Variants in TICRR observed in about 807,000 individuals in gnomAD.
The protein encoded by TICRR is TOPBP1 interacting checkpoint and replication regulator.
In TICRR, 132 loss-of-function variants were observed where a neutral mutation model predicts 178.1. That is an observed-to-expected ratio of 0.74 (90% CI 0.64 to 0.86). The LOEUF is 0.86. Among genes scored for constraint, TICRR ranks in the 40% least tolerant of loss-of-function variants. TICRR has a pLI of 0.00. For synonymous variants in TICRR, 991 were observed against 900.7 expected, an observed-to-expected ratio of 1.10 and a Z score of -1.79; for missense variants, 2,587 against 2,334.3, an observed-to-expected ratio of 1.11 and a Z score of -2.23.
chr15:89,589,676 A>G (rs1962878809), intron 4 of TICRR, among the ~76,000 whole-genome samples: 1 of 152,214 alleles, frequency 6.6e-6, no homozygotes, highest in Non-Finnish European at 1.5e-5. Flanking sequence ...ATATAACAGC[A>G]AATGCAATTA....
rs767079638 is a variant in TICRR at position 89,575,668 on chromosome 15, C to T, written c.82C>T (p.Leu28=). ...ARHSRVRRAA[L]RLLTYLSCRF... is the part of the protein sequence containing the mutation. ...CCACAGCCGGGTCCGGCGGGCCGCC[C>T]TGCGCCTCCTCACCTATCTGAGTTG... The change falls in exon 1 of 22, where the codon CTG becomes TTG. Residue 28 remains leucine (L), a synonymous_variant. Transcript: ENST00000268138. 9.5e-6 allele frequency: 15 copies of T among 1,586,582 alleles called. No homozygotes were observed. The highest frequency in any genetic ancestry group is 1.3e-5 in the Non-Finnish European group (15 of 1,168,662).
Position 89,624,449 on chromosome 15 carries a change from A to C in TICRR, c.4139A>C (p.Lys1380Thr). Reference sequence around the variant, plus strand: ...ACCGTCCCTCCTCCACCCCCTTCTAAAGTTGGGAAACGGTGTAGAAAGACC... The same window carrying C: ...ACCGTCCCTCCTCCACCCCCTTCTACAGTTGGGAAACGGTGTAGAAAGACC... ...LDTVPPPPPS[K>T]VGKRCRKTSD... The change falls in exon 20 of 22, where the codon AAA becomes ACA. Residue 1380 changes from lysine (K) to threonine (T), a missense_variant. Transcript: ENST00000268138. 6.2e-7 allele frequency: 1 copy of C among 1,614,032 alleles called. No individual in the cohort carries two copies.
At chr15:89,612,008 T>G (rs1480412545) in intron 15 of TICRR, among the ~76,000 whole-genome samples, 1 of 152,226 alleles carries the variant, frequency 6.6e-6, no homozygotes, top group African/African-American at 2.4e-5. Flanking sequence ...TCTTTTCTGG[T>G]AAATAGGCCA....
At chr15:89,599,684 G>A (rs140004367) in intron 8 of TICRR, among the ~76,000 whole-genome samples, 2 of 152,248 alleles carry the variant, frequency 1.3e-5, no homozygotes, top group Admixed American at 6.5e-5. Flanking sequence ...TGGGGTGAGC[G>A]GGGATAATTA....
intron 21 of TICRR, among the ~76,000 whole-genome samples, chr15:89,626,688 G>A (rs1963534307): frequency 6.6e-6 from 1 of 152,128 alleles, no homozygotes; most frequent in African/African-American, 2.4e-5. Flanking sequence ...GACCTAGAAA[G>A]AATACAGGAT....
chr15:89,597,322 G>A (rs1450765419), intron 7 of TICRR, among the ~76,000 whole-genome samples: 5 of 151,964 alleles, frequency 3.3e-5, no homozygotes, highest in Admixed American at 2.6e-4. Context: ...TCAGTAGTTC[G>A]AGATCAGCCT....
In TICRR at chr15:89,600,655, A is replaced by G; in HGVS notation, c.2123A>G (p.Lys708Arg). The change falls in exon 9 of 22, where the codon AAA (lysine) becomes AGA (arginine). Residue 708 changes from lysine (K) to arginine (R), a missense_variant. Physicochemically the swap from Lys to Arg is conservative, Grantham distance 26. Transcript: ENST00000268138. ...AAAAGTCTTCGACAGAATCTAGGAA[A>G]AAAACTGGATAAGGAAGACAAAGTT... ...TSKSLRQNLG[K>R]KLDKEDKVRE... is the part of the protein sequence containing the mutation. 6.3e-7 allele frequency: 1 copy of G among 1,592,128 alleles called. No individual in the cohort carries two copies. Among genetic ancestry groups the G allele is most frequent in the Non-Finnish European group, 8.6e-7 (1 of 1,166,100 alleles).
At chr15:89,601,197 T>G (rs1963088845) in intron 9 of TICRR, 101 bp from the exon 10 acceptor site, 1 of 940,332 alleles carries the variant, frequency 1.1e-6, no homozygotes, top group Non-Finnish European at 1.6e-6. Context: ...CTCCTCCTTT[T>G]TGGTTGTTGT....
chr15:89,608,200 A>C (rs1336513831), intron 14 of TICRR, among the ~76,000 whole-genome samples: 3 of 152,178 alleles, frequency 2.0e-5, no homozygotes, highest in African/African-American at 7.2e-5. Flanking sequence ...TTAGATTTAA[A>C]TTGAATTCGT....
At chr15:89,626,380 T>C (rs995408170) in intron 21 of TICRR, among the ~76,000 whole-genome samples, 2 of 152,120 alleles carry the variant, frequency 1.3e-5, no homozygotes, top group Admixed American at 6.5e-5. Context: ...GCAGCACGAG[T>C]GATAGGCCTG....
Position 89,626,039 on chromosome 15 carries a change from C to T in TICRR, c.5580C>T (p.Ser1860=). 6.2e-7 allele frequency: 1 copy of T among 1,613,962 alleles called. No individual in the cohort carries two copies. Among genetic ancestry groups the T allele is most frequent in the Non-Finnish European group, 8.5e-7 (1 of 1,179,924 alleles). The change falls in exon 21 of 22, where the codon TCC becomes TCT. Residue 1860 remains serine (S), a synonymous_variant. Transcript: ENST00000268138. ...SPLLFQGKTP[S]SQSKDPRDED... The stretch of plus-strand genomic sequence containing the variant: ...TGCTGTTCCAGGGGAAAACACCTTC[C>T]TCTCAGAGCAAAGACCCCAGAGGTA...
rs1567040966 is a variant in TICRR at position 89,585,858 on chromosome 15, CG to C, written c.1330del (p.Asp444ThrfsTer14). On this transcript the variant is annotated frameshift_variant, in exon 4 of 22. Coordinates refer to ENST00000268138, the MANE Select transcript of TICRR (RefSeq NM_152259.4). LOFTEE classifies it high-confidence loss of function. ...CCAAACAGCTGTGGCTGACAGCCCC[CG>C]GGACACAGCTTCCCTTTTCTCAGAT... ...VLQTAVADSPRDTASLFSDVV... is the reference protein window; with the variant it reads ...VLQTAVADSPXDTASLFSDVV... The C allele has an allele frequency of 6.2e-7, 1 of 1,613,966 alleles. No individual in the cohort carries two copies.
chr15:89,605,181 C>T (rs575597544), intron 13 of TICRR, among the ~76,000 whole-genome samples: 2 of 152,280 alleles, frequency 1.3e-5, no homozygotes, highest in African/African-American at 4.8e-5. Context: ...CCTTTGCAGG[C>T]CATACGTCTC....
chr15:89,601,312 T>C lies in TICRR; in HGVS notation c.2168T>C (p.Val723Ala). 6.2e-7 allele frequency: 1 copy of C among 1,614,110 alleles called. No individual in the cohort carries two copies. ...EDKVRECQLQ[V>A]FLRLEMCLQC... The stretch of plus-strand genomic sequence containing the variant: ...TTTCTCTCAAGGTGCCAGCTTCAGG[T>C]ATTTCTTCGTTTGGAGATGTGTCTG... The change falls in exon 10 of 22, where the codon GTA (valine) becomes GCA (alanine). Residue 723 changes from valine to alanine, a missense_variant. Physicochemically the swap from Val to Ala is moderately conservative, Grantham distance 64 (BLOSUM62 0). Coordinates refer to ENST00000268138, the MANE Select transcript of TICRR (RefSeq NM_152259.4).
chr15:89,594,910 C>T (rs1962971316), intron 6 of TICRR, among the ~76,000 whole-genome samples: 1 of 152,030 alleles, frequency 6.6e-6, no homozygotes. Context: ...ATTTAGATTG[C>T]TTTCAGTTTT....
chr15:89,627,548 A>G lies in TICRR; in HGVS notation c.*462A>G, dbSNP rs933619525. 1.3e-5 allele frequency: 2 copies of G among 157,692 alleles called. No homozygotes were observed. Among genetic ancestry groups the G allele is most frequent in the Non-Finnish European group, 2.8e-5 (2 of 71,720 alleles). 9.8% of individuals were successfully genotyped at this position (157,692 alleles called of 1,614,324 possible). ...AACTGAAGAGTGCATTGGGCAGTGG[A>G]AGCTATTTTTTGCCTTCCCTGTGTA... On this transcript the variant is annotated 3_prime_UTR_variant, in exon 22 of 22. Coordinates refer to ENST00000268138, the MANE Select transcript of TICRR (RefSeq NM_152259.4).
Position 89,621,443 on chromosome 15 carries a change from C to T in TICRR, c.3205C>T (p.Leu1069Phe), listed in dbSNP as rs56673030. 3.1e-6 allele frequency: 5 copies of T among 1,613,964 alleles called. No individual in the cohort carries two copies. The East Asian group carries it at 1.1e-4, about 36-fold the overall frequency. ...AAGTATTCGGTCTCCCAAGAGTCTT[C>T]TTTTTGGGGCAATGTCTGAGATGAT... ...VQSIRSPKSLLFGAMSEMISP... is the reference protein window; with the variant it reads ...VQSIRSPKSLFFGAMSEMISP... Residue 1069 changes from leucine to phenylalanine, a missense_variant, in exon 19 of 22, where the codon CTT (leucine) becomes TTT (phenylalanine). Physicochemically the swap from Leu to Phe is conservative, Grantham distance 22. Coordinates refer to ENST00000268138, the MANE Select transcript of TICRR (RefSeq NM_152259.4).
Position 89,624,265 on chromosome 15 carries a change from G to A in TICRR, c.3955G>A (p.Val1319Ile), listed in dbSNP as rs1963473683. ...KKLFTSPLCD[V>I]SKKSPFRKSK... ...ACTGTTTACCTCTCCTTTATGTGAT[G>A]TCTCCAAGAAGAGTCCATTTAGGAA... Residue 1319 changes from valine to isoleucine, a missense_variant, in exon 20 of 22, where the codon GTC (valine) becomes ATC (isoleucine). By Grantham distance (29) the Val-to-Ile change is conservative. Transcript: ENST00000268138. 1 of 1,614,168 alleles carries A rather than the reference G, an allele frequency of 6.2e-7. No homozygotes were observed. The highest frequency in any genetic ancestry group is 8.5e-7 in the Non-Finnish European group (1 of 1,180,036).
intron 8 of TICRR, among the ~76,000 whole-genome samples, chr15:89,599,972 G>A (rs1223389123): frequency 6.6e-6 from 1 of 152,180 alleles, no homozygotes; most frequent in Non-Finnish European, 1.5e-5. Context: ...TGGATGTGGT[G>A]GTAGGTGCCT....
Sources: allele counts gnomAD v4.1 joint callset (sites outside exome capture counted in the v4.1 genomes callset), GRCh38; gene constraint gnomAD v4.1.1; transcripts MANE v1.5; gene names NCBI Gene and HGNC (gene_info 2026-07-23, HGNC 2026-07-21).